Variants in HDX observed in about 807,000 individuals in gnomAD.
The protein encoded by HDX is chromosome X open reading frame 43.
A neutral mutation model predicts 45.2 loss-of-function variants in HDX; 19 were observed. That is an observed-to-expected ratio of 0.42 (90% confidence interval 0.29 to 0.62). HDX has a LOEUF of 0.62. Among genes scored for constraint, HDX ranks in the 20% least tolerant of loss-of-function variants. HDX has a pLI of 0.20. For missense variants in HDX, 532 were observed against 493.9 expected (o/e 1.08, Z -0.73); for synonymous variants, 188 against 172.8 (o/e 1.09, Z -0.69).
chrX:84,376,799 G>A (rs2038067278), intron 5 of HDX, among the ~76,000 whole-genome samples: 1 of 112,388 alleles, frequency 8.9e-6, no homozygotes, highest in Admixed American at 9.4e-5. Flanking sequence ...GGCACCTCTG[G>A]ACCCACCTGG....
At chrX:84,322,541 AT>A (rs2036618012) in intron 10 of HDX, among the ~76,000 whole-genome samples, 1 of 110,659 alleles carries the variant, frequency 9.0e-6, no homozygotes, top group South Asian at 3.7e-4. Context: ...AAGTAATTTT[AT>A]TTTTTCTTTC....
At chrX:84,335,304 G>A (rs1195938553) in intron 8 of HDX, among the ~76,000 whole-genome samples, 1 of 110,923 alleles carries the variant, frequency 9.0e-6, no homozygotes, top group Non-Finnish European at 1.9e-5. Context: ...CCACCGTAGA[G>A]ATGTGTGCAT....
At chrX:84,443,888 G>A (rs894640309) in intron 4 of HDX, among the ~76,000 whole-genome samples, 1 of 111,624 alleles carries the variant, frequency 9.0e-6, no homozygotes, top group South Asian at 3.6e-4. Context: ...GTTTTAGAGT[G>A]CTACAGGAAA....
Position 84,469,582 on chromosome X carries a change from G to A in HDX, c.148-7C>T. 1.8e-6 allele frequency: 2 copies of A among 1,138,685 alleles called. No individual in the cohort carries two copies. The highest frequency in any genetic ancestry group is 2.3e-6 in the Non-Finnish European group (2 of 860,051). The allele number at this position is 1,138,685 out of a possible 1,213,427, so 93.8% of individuals were successfully genotyped here. A position where few individuals can be genotyped will look rare whatever the true frequency, so the allele number is the denominator to read the frequency against. On this transcript the variant is annotated splice_region_variant and splice_polypyrimidine_tract_variant and intron_variant, in intron 3 of 10. Coordinates refer to ENST00000373177, the MANE Select transcript of HDX (RefSeq NM_001177479.2). ...TCTTATTGCCAACCCACGTCTGGAA[G>A]GATAAAACATGGTATTATGAAAAAA... is the stretch of plus-strand genomic sequence containing the variant.
chrX:84,474,720 CTGAATAACTATGATTG>C (rs1429688472), intron 3 of HDX, among the ~76,000 whole-genome samples: 3 of 112,334 alleles, frequency 2.7e-5, no homozygotes, highest in Non-Finnish European at 3.8e-5. Flanking sequence ...ATTTTTACTA[CTGAATAACTATGATTG>C]TGATAAAGAA....
chrX:84,471,491 A>G (rs776826563), intron 3 of HDX, among the ~76,000 whole-genome samples: 1 of 107,656 alleles, frequency 9.3e-6, no homozygotes, highest in East Asian at 2.9e-4. Flanking sequence ...AATTGTGTAA[A>G]TGAAGAAACT....
At chrX:84,356,647 G>C (rs2037492449) in intron 6 of HDX, among the ~76,000 whole-genome samples, 1 of 81,310 alleles carries the variant, frequency 1.2e-5, no homozygotes, top group Admixed American at 1.5e-4. Context: ...TTTTGAGATG[G>C]AGTCTTGCTC....
rs182730653 is a variant in HDX, at chrX:84,330,731, T to G, written c.1824+3028A>C. 3.6e-5 allele frequency among the ~76,000 whole-genome samples: 4 copies of G among 112,120 alleles called. No individual in the cohort carries two copies. In the East Asian group the frequency reaches 1.1e-3, roughly 31 times the overall value. Reference sequence around the variant, plus strand: ...TGAAGCATCTTTTGGTATGCAGACTTCTAATTCTTCATGCAAATATTTCTC... The same window carrying G: ...TGAAGCATCTTTTGGTATGCAGACTGCTAATTCTTCATGCAAATATTTCTC... On this transcript the variant is annotated intron_variant, in intron 9 of 10. Coordinates refer to ENST00000373177, the MANE Select transcript of HDX (RefSeq NM_001177479.2).
chrX:84,430,664 C>A (rs1460513827), intron 5 of HDX, among the ~76,000 whole-genome samples: 4 of 93,809 alleles, frequency 4.3e-5, no homozygotes, highest in Non-Finnish European at 8.7e-5. Flanking sequence ...CTTTTCTCTG[C>A]ATCCTCGCCA....
intron 5 of HDX, among the ~76,000 whole-genome samples, chrX:84,387,770 C>A (rs1210512165): frequency 3.6e-5 from 4 of 111,584 alleles, no homozygotes; most frequent in Non-Finnish European, 7.5e-5. Context: ...TTTTATCCAG[C>A]GTGCAACTCT....
intron 5 of HDX, among the ~76,000 whole-genome samples, chrX:84,374,038 G>A (rs750510899): frequency 0.013 from 1,406 of 109,900 alleles, 21 homozygotes; most frequent in African/African-American, 0.044. Flanking sequence ...ATCTCCTTAA[G>A]CTGATAAGCA....
intron 5 of HDX, among the ~76,000 whole-genome samples, chrX:84,415,298 G>A (rs1469412631): frequency 8.9e-6 from 1 of 111,905 alleles, no homozygotes; most frequent in Admixed American, 9.5e-5. Context: ...CACACCAGAG[G>A]GAGAACAGAA....
chrX:84,322,780 C>T (rs922225282), intron 10 of HDX, among the ~76,000 whole-genome samples: 1 of 111,229 alleles, frequency 9.0e-6, no homozygotes, highest in Non-Finnish European at 1.9e-5. Flanking sequence ...TCAAGTTTTA[C>T]GCAGCTGACA....
chrX:84,482,433 A>C (rs943088994), intron 2 of HDX, among the ~76,000 whole-genome samples: 4 of 111,678 alleles, frequency 3.6e-5, no homozygotes, highest in Non-Finnish European at 7.5e-5. Context: ...TCATGGCAGA[A>C]GGGAAAGCAA....
At chrX:84,356,944 T>TTTTGGG (rs1299996233) in intron 6 of HDX, among the ~76,000 whole-genome samples, 1 of 111,009 alleles carries the variant, frequency 9.0e-6, no homozygotes, top group Non-Finnish European at 1.9e-5. Flanking sequence ...CTTATCTTTA[T>TTTTGGG]TTTGGGAGTG....
rs1470052692 is a variant in HDX at position 84,321,738 on chromosome X, A to G, written c.*151T>C. Reference sequence around the variant, plus strand: ...CCTACATTTTTGTTGCACTGTAGCCATTATATCTTGTACATTCTTCACAGA... The same window carrying G: ...CCTACATTTTTGTTGCACTGTAGCCGTTATATCTTGTACATTCTTCACAGA... On this transcript the variant is annotated 3_prime_UTR_variant, in exon 11 of 11. Coordinates refer to ENST00000373177, the MANE Select transcript of HDX (RefSeq NM_001177479.2). 8.3e-6 allele frequency: 3 copies of G among 360,940 alleles called. No individual in the cohort carries two copies. The highest frequency in any genetic ancestry group is 8.0e-5 in the African/African-American group (3 of 37,342). The allele number at this position is 360,940 out of a possible 1,213,427, so 29.7% of individuals were successfully genotyped here. A position where few individuals can be genotyped will look rare whatever the true frequency, so the allele number is the denominator to read the frequency against.
chrX:84,429,151 T>C (rs1201888976), intron 5 of HDX, among the ~76,000 whole-genome samples: 1 of 110,826 alleles, frequency 9.0e-6, no homozygotes, highest in Non-Finnish European at 1.9e-5. Context: ...TTCAAAGTTG[T>C]TTTGGCTATT....
chrX:84,487,794 A>C (rs1283421362), intron 2 of HDX, among the ~76,000 whole-genome samples: 1 of 112,138 alleles, frequency 8.9e-6, no homozygotes, highest in East Asian at 2.8e-4. Context: ...AGTTTATTTT[A>C]GTTGTTCTAT....
chrX:84,415,086 A>G (rs777396681), intron 5 of HDX, among the ~76,000 whole-genome samples: 3 of 112,308 alleles, frequency 2.7e-5, no homozygotes, highest in African/African-American at 9.7e-5. Flanking sequence ...CAAGAGTGGC[A>G]GCATATACTC....
Sources: allele counts gnomAD v4.1 joint callset (sites outside exome capture counted in the v4.1 genomes callset), GRCh38; gene constraint gnomAD v4.1.1; transcripts MANE v1.5; gene names NCBI Gene and HGNC (gene_info 2026-07-23, HGNC 2026-07-21).